Variants in CNTNAP4 observed in about 807,000 individuals in gnomAD.
The protein encoded by CNTNAP4 is contactin-associated protein-like 4.
In CNTNAP4, 98 loss-of-function variants were observed where a neutral mutation model predicts 148.4. The observed-to-expected ratio is 0.66, with a 90% CI of 0.56 to 0.78. The LOEUF is 0.78. CNTNAP4 is among the 30% of genes least tolerant of loss of function. The probability of loss-of-function intolerance (pLI) is 0.00; values close to 1 mark genes in which losing one functional copy is unlikely to be tolerated. For missense variants in CNTNAP4, 1,935 were observed against 1,565.6 expected (o/e 1.24, Z -3.98); for synonymous variants, 730 against 565.1 (o/e 1.29, Z -4.14).
intron 1 of CNTNAP4, among the ~76,000 whole-genome samples, chr16:76,280,844 A>T (rs1958659486): frequency 6.6e-6 from 1 of 152,098 alleles, no homozygotes. Flanking sequence ...TTGAACATTA[A>T]GACATGGTTG....
chr16:76,515,007 G>T (rs371637095), intron 15 of CNTNAP4, among the ~76,000 whole-genome samples: 3 of 152,248 alleles, frequency 2.0e-5, no homozygotes, highest in South Asian at 4.1e-4. Flanking sequence ...AAAATTTCCT[G>T]TAGGGCTAGG....
chr16:76,556,903 C>G (rs1048440820), intron 23 of CNTNAP4, among the ~76,000 whole-genome samples: 7 of 152,248 alleles, frequency 4.6e-5, no homozygotes, highest in African/African-American at 1.7e-4. Context: ...CTCTAATTGG[C>G]CAGGGTGAAT....
At chr16:76,348,458 A>G (rs1463224709) in intron 2 of CNTNAP4, among the ~76,000 whole-genome samples, 3 of 152,122 alleles carry the variant, frequency 2.0e-5, no homozygotes. Flanking sequence ...GAGAGAAAAG[A>G]AGGAGAGCAA....
At chr16:76,466,776 A>T (rs569499971) in intron 9 of CNTNAP4, among the ~76,000 whole-genome samples, 3 of 152,122 alleles carry the variant, frequency 2.0e-5, no homozygotes, top group Non-Finnish European at 4.4e-5. Context: ...AATATTTTTG[A>T]TATTAAGCCA....
intron 2 of CNTNAP4, among the ~76,000 whole-genome samples, chr16:76,325,416 T>G (rs1209057858): frequency 1.3e-5 from 2 of 152,164 alleles, no homozygotes; most frequent in Non-Finnish European, 2.9e-5. Flanking sequence ...GACCATAAAT[T>G]GTTTCAATAT....
intron 23 of CNTNAP4, among the ~76,000 whole-genome samples, chr16:76,556,589 A>G (rs2085208391): frequency 1.3e-5 from 2 of 152,172 alleles, no homozygotes; most frequent in South Asian, 4.1e-4. Context: ...AATTTTTCAC[A>G]TTGAAATTGT....
At chr16:76,474,601 G>C (rs1176511201) in intron 10 of CNTNAP4, among the ~76,000 whole-genome samples, 1 of 152,102 alleles carries the variant, frequency 6.6e-6, no homozygotes, top group Admixed American at 6.5e-5. Flanking sequence ...AGGTTTTGTA[G>C]TTTATTTAGT....
At chr16:76,328,768 C>T (rs896727968) in intron 2 of CNTNAP4, among the ~76,000 whole-genome samples, 1 of 152,120 alleles carries the variant, frequency 6.6e-6, no homozygotes, top group Non-Finnish European at 1.5e-5. Context: ...GCCTCAGCCT[C>T]CTGAGTAGCT....
At chr16:76,542,578 C>T (rs1233488680) in intron 21 of CNTNAP4, among the ~76,000 whole-genome samples, 1 of 151,962 alleles carries the variant, frequency 6.6e-6, no homozygotes, top group African/African-American at 2.4e-5. Context: ...CCAGAGAGAC[C>T]CAGGATGAGG....
intron 8 of CNTNAP4, among the ~76,000 whole-genome samples, chr16:76,460,773 A>AATATAT (rs150425968): frequency 1.7e-5 from 1 of 57,320 alleles, no homozygotes; most frequent in East Asian, 5.1e-4. Context: ...AAAAAAAAAA[A>AATATAT]ATATATATAT....
intron 3 of CNTNAP4, among the ~76,000 whole-genome samples, chr16:76,409,723 T>A (rs2078724884): frequency 1.3e-5 from 2 of 152,046 alleles, no homozygotes; most frequent in African/African-American, 2.4e-5. Context: ...TATTTGGCTT[T>A]ATTTCCCAAA....
At chr16:76,521,006 A>G (rs1363446760) in intron 15 of CNTNAP4, 134 bp from the exon 16 acceptor site, 1 of 771,976 alleles carries the variant, frequency 1.3e-6, no homozygotes, top group Non-Finnish European at 2.1e-6. Context: ...TGACAGAAAA[A>G]AAGAGCAGAT....
intron 3 of CNTNAP4, among the ~76,000 whole-genome samples, chr16:76,380,312 G>A (rs895704208): frequency 3.3e-5 from 5 of 152,116 alleles, no homozygotes; most frequent in East Asian, 3.9e-4. Flanking sequence ...TGGTATAGGC[G>A]TATAGGACCA....
At chr16:76,328,921 G>A (rs1457561645) in intron 2 of CNTNAP4, among the ~76,000 whole-genome samples, 1 of 152,188 alleles carries the variant, frequency 6.6e-6, no homozygotes. Context: ...CTGGGCGTGA[G>A]CCACTGTGCC....
intron 4 of CNTNAP4, 92 bp downstream of exon 4, chr16:76,427,691 A>G (rs9938200): frequency 0.62 from 748,364 of 1,203,438 alleles, 233,769 homozygotes; most frequent in East Asian, 0.8. Flanking sequence ...TTTTAGCTAC[A>G]TAAAGAGGTA....
chr16:76,476,103 C>T, intron 11 of CNTNAP4, 58 bp downstream of exon 11: 2 of 1,169,728 alleles, frequency 1.7e-6, no homozygotes, highest in Non-Finnish European at 2.6e-6. Flanking sequence ...GTCCCATTTC[C>T]CTTTTCATTG....
At chr16:76,425,506 A>T (rs559200381) in intron 3 of CNTNAP4, among the ~76,000 whole-genome samples, 7 of 152,310 alleles carry the variant, frequency 4.6e-5, no homozygotes, top group African/African-American at 1.4e-4. Flanking sequence ...TAGGAGGATA[A>T]GATAAACAGG....
At chr16:76,349,016 G>A (rs569373597) in intron 2 of CNTNAP4, among the ~76,000 whole-genome samples, 4 of 152,058 alleles carry the variant, frequency 2.6e-5, no homozygotes, top group Non-Finnish European at 4.4e-5. Flanking sequence ...AGCGGTGACC[G>A]TGAGAAGGAT....
At chr16:76,411,504 G>A (rs1045606182) in intron 3 of CNTNAP4, among the ~76,000 whole-genome samples, 1 of 151,236 alleles carries the variant, frequency 6.6e-6, no homozygotes, top group African/African-American at 2.4e-5. Flanking sequence ...ATTATTCTTA[G>A]TAATATTAAT....
Sources: allele counts gnomAD v4.1 joint callset (sites outside exome capture counted in the v4.1 genomes callset), GRCh38; gene constraint gnomAD v4.1.1; transcripts MANE v1.5; gene names NCBI Gene and HGNC (gene_info 2026-07-23, HGNC 2026-07-21).